Variants in LIG4 observed in about 807,000 individuals in gnomAD.
The protein encoded by LIG4 is DNA joinase.
LIG4 carries 13 observed loss-of-function variants against 19.0 expected under a neutral mutation model. The observed-to-expected ratio is 0.68, with a 90% CI of 0.44 to 1.09. The LOEUF (loss-of-function observed/expected upper bound fraction) is 1.09. LIG4 is among the 50% of genes least tolerant of loss of function. The pLI, the probability that LIG4 is intolerant of heterozygous loss-of-function variation, is 0.00. For missense variants in LIG4, 1,026 were observed against 1,089.7 expected, an observed-to-expected ratio of 0.94 and a Z score of 0.82; for synonymous variants, 361 against 358.2, an observed-to-expected ratio of 1.01 and a Z score of -0.09.
intron 2 of LIG4, among the ~76,000 whole-genome samples, chr13:108,213,536 G>C (rs912693362): frequency 2.6e-5 from 4 of 152,206 alleles, no homozygotes; most frequent in African/African-American, 7.2e-5. Context: ...TAAACTAGTC[G>C]TAAGTATTTT....
chr13:108,216,862 C>T (rs1475149839), upstream of LIG4, among the ~76,000 whole-genome samples: 1 of 152,148 alleles, frequency 6.6e-6, no homozygotes, highest in Non-Finnish European at 1.5e-5. Flanking sequence ...AGCCCAGTCT[C>T]CATTTCATCA....
At position 108,211,316 on chromosome 13, in the gene LIG4, ATAACTT is replaced by A; in HGVS notation, c.-28-26_-28-21del. ...GTTTAACTAGTAAAGCAAAAAGAGA[ATAACTT>A]TAAGTAAAAGATAAGATTCAACTAA... is the stretch of plus-strand genomic sequence containing the variant. On this transcript the variant is annotated intron_variant, in intron 2 of 2. Coordinates refer to ENST00000442234, the MANE Select transcript of LIG4 (RefSeq NM_206937.2). 7.5e-7 allele frequency: 1 copy of A among 1,337,028 alleles called. No homozygotes were observed. The highest frequency in any genetic ancestry group is 1.1e-6 in the Non-Finnish European group (1 of 937,650). The allele number at this position is 1,337,028 out of a possible 1,614,324, so 82.8% of individuals were successfully genotyped here. A position where few individuals can be genotyped will look rare whatever the true frequency, so the allele number is the denominator to read the frequency against.
Position 108,209,387 on chromosome 13 carries a change from G to T in LIG4, c.1882C>A (p.Arg628=). Residue 628 remains arginine, a synonymous_variant, in exon 3 of 3, where the codon CGG becomes AGG. Transcript: ENST00000442234. ...TTCTTCATCTTTGGGGCAGCTTTCCGCTTTTTTTCTTGTGGTTCATCATCA... is the reference window on the plus strand; with the variant it reads ...TTCTTCATCTTTGGGGCAGCTTTCCTCTTTTTTTCTTGTGGTTCATCATCA... The part of the protein sequence containing the change: ...GGDDEPQEKK[R]KAAPKMKKVI... The T allele has an allele frequency of 6.2e-7, 1 of 1,614,032 alleles. No individual in the cohort carries two copies. Among genetic ancestry groups the T allele is most frequent in the Non-Finnish European group, 8.5e-7 (1 of 1,179,998 alleles).
rs775560383 is a variant in LIG4 at position 108,210,391 on chromosome 13, C to T, written c.878G>A (p.Arg293Gln). The T allele has an allele frequency of 1.9e-5, 31 of 1,613,586 alleles. No homozygotes were observed. Among genetic ancestry groups the T allele is most frequent in the Admixed American group, 6.7e-5 (4 of 59,986 alleles). ...KDGDVYKYFS[R>Q]NGYNYTDQFG... ...CTGATCAGTGTAGTTATATCCATTT[C>T]GAGAGAAGTATTTATATACATCTCC... The change falls in exon 3 of 3, where the codon CGA (arginine) becomes CAA (glutamine). Residue 293 changes from arginine (R) to glutamine (Q), a missense_variant. By Grantham distance (43) the Arg-to-Gln change is conservative. Around this residue, in one of 3 missense-constraint regions of LIG4, gnomAD observed 493 missense variants for 544.5 expected, o/e 0.91. Transcript: ENST00000442234.
intron 2 of LIG4, among the ~76,000 whole-genome samples, chr13:108,213,227 A>G (rs1376070525): frequency 6.6e-6 from 1 of 152,006 alleles, no homozygotes; most frequent in Non-Finnish European, 1.5e-5. Flanking sequence ...TCACTGCCCT[A>G]TCTCCCAAAA....
chr13:108,216,050 A>C (rs1879273281), upstream of LIG4, among the ~76,000 whole-genome samples: 1 of 152,310 alleles, frequency 6.6e-6, no homozygotes, highest in East Asian at 1.9e-4. Context: ...AATACATAAC[A>C]ATACATAACT....
chr13:108,208,749 A>C lies in LIG4; in HGVS notation c.2520T>G (p.Ile840Met). Residue 840 changes from isoleucine to methionine, a missense_variant, in exon 3 of 3, where the codon ATT (isoleucine) becomes ATG (methionine). Transcript: ENST00000442234. ...STKNEGTRLA[I>M]KALELRFHGA... Reference sequence around the variant, plus strand: ...CATGAAACCGAAGCTCCAAGGCTTTAATAGCTAACCTTGTCCCCTCATTTT... The same window carrying C: ...CATGAAACCGAAGCTCCAAGGCTTTCATAGCTAACCTTGTCCCCTCATTTT... 1 of 1,614,210 alleles carries C rather than the reference A, an allele frequency of 6.2e-7. No homozygotes were observed. The highest frequency in any genetic ancestry group is 8.5e-7 in the Non-Finnish European group (1 of 1,180,024).
At chr13:108,211,332 G>C (rs1878649380) in intron 2 of LIG4, 36 bp from the exon 3 acceptor site, 1 of 1,163,362 alleles carries the variant, frequency 8.6e-7, no homozygotes, top group Non-Finnish European at 1.3e-6. Flanking sequence ...TTAAGTAAAA[G>C]ATAAGATTCA....
chr13:108,212,842 T>C (rs1311860583), intron 2 of LIG4, among the ~76,000 whole-genome samples: 1 of 152,044 alleles, frequency 6.6e-6, no homozygotes, highest in African/African-American at 2.4e-5. Flanking sequence ...GGAGGTTTGC[T>C]GAATGAATTA....
At chr13:108,214,277 G>A (rs373450235) in intron 2 of LIG4, among the ~76,000 whole-genome samples, 3 of 152,184 alleles carry the variant, frequency 2.0e-5, no homozygotes, top group African/African-American at 7.2e-5. Context: ...ATCTTCCACA[G>A]CACTTAGTGA....
rs753883369 is a variant in LIG4, at chr13:108,211,196, G to A, written c.73C>T (p.Arg25Ter). The change falls in exon 3 of 3, where the codon CGA (arginine) becomes TGA (stop). Residue 25 changes from arginine to a stop codon, truncating the protein, a stop_gained. Transcript: ENST00000442234. LOFTEE classifies it high-confidence loss of function. ...GCACGTCCTTTACTTTTCTGTATTCGTTCTAAAGTTGAACACAAATCTGCA... is the reference window on the plus strand; with the variant it reads ...GCACGTCCTTTACTTTTCTGTATTCATTCTAAAGTTGAACACAAATCTGCA... ...PFADLCSTLE[R>*]IQKSKGRAEK... is the part of the protein sequence containing the mutation. The A allele has an allele frequency of 2.2e-5, 35 of 1,613,042 alleles. No homozygotes were observed. The highest frequency in any genetic ancestry group is 1.6e-4 in the Middle Eastern group (1 of 6,074).
intron 2 of LIG4, among the ~76,000 whole-genome samples, chr13:108,213,515 C>T (rs1408868358): frequency 6.6e-6 from 1 of 152,168 alleles, no homozygotes; most frequent in Non-Finnish European, 1.5e-5. Flanking sequence ...ACAAGGATTC[C>T]AAAATTGCCA....
In LIG4 at chr13:108,208,953, G is replaced by A. The variant is rs957413601; in HGVS notation, c.2316C>T (p.Asn772=). 1.4e-5 allele frequency: 23 copies of A among 1,614,006 alleles called. No homozygotes were observed. The highest frequency in any genetic ancestry group is 1.9e-5 in the Non-Finnish European group (23 of 1,180,018). ...GDSYFIDTDL[N]QLKEVFSGIK... is the part of the protein sequence containing the mutation. ...TTCCTGAGAATACTTCCTTCAGTTGGTTCAAGTCTGTATCAATGAAATAAC... is the reference window on the plus strand; with the variant it reads ...TTCCTGAGAATACTTCCTTCAGTTGATTCAAGTCTGTATCAATGAAATAAC... Residue 772 remains asparagine, a synonymous_variant, in exon 3 of 3, where the codon AAC becomes AAT. Coordinates refer to ENST00000442234, the MANE Select transcript of LIG4 (RefSeq NM_206937.2).
rs1878193573 is a variant in LIG4 at position 108,208,702 on chromosome 13, A to G, written c.2567T>C (p.Leu856Ser). Residue 856 changes from leucine to serine, a missense_variant, in exon 3 of 3, where the codon TTA becomes TCA. Around this residue, in one of 3 missense-constraint regions of LIG4, gnomAD observed 521 missense variants for 515.5 expected, o/e 1.01. Coordinates refer to ENST00000442234, the MANE Select transcript of LIG4 (RefSeq NM_206937.2). Reference protein sequence around the residue: ...RFHGAKVVSCLAEGVSHVIIG... With the variant: ...RFHGAKVVSCSAEGVSHVIIG... ...TATTACATGAGACACTCCCTCAGCT[A>G]AACAAGAAACTACTTTTGCTCCATG... 1 of 1,614,186 alleles carries G rather than the reference A, an allele frequency of 6.2e-7. No homozygotes were observed. The highest frequency in any genetic ancestry group is 1.3e-5 in the African/African-American group (1 of 75,062).
Position 108,211,083 on chromosome 13 carries a change from G to A in LIG4, c.186C>T (p.Asp62=). The change falls in exon 3 of 3, where the codon GAC becomes GAT. Residue 62 remains aspartate, a synonymous_variant. Transcript: ENST00000442234. ...ALHKNHKDVT[D]SFYPAMRLIL... is the part of the protein sequence containing the mutation. ...TTAGTCTCATTGCTGGATAAAAAGAGTCTGTGACATCTTTGTGGTTCTTAT... is the reference window on the plus strand; with the variant it reads ...TTAGTCTCATTGCTGGATAAAAAGAATCTGTGACATCTTTGTGGTTCTTAT... 1 of 1,607,664 alleles carries A rather than the reference G, an allele frequency of 6.2e-7. No homozygotes were observed. The highest frequency in any genetic ancestry group is 1.1e-5 in the South Asian group (1 of 90,116).
chr13:108,208,794 A>T lies in LIG4; in HGVS notation c.2475T>A (p.Val825=). Residue 825 remains valine, a synonymous_variant, in exon 3 of 3, where the codon GTT becomes GTA. Transcript: ENST00000442234. ...RHTVYLDSYA[V]INDLSTKNEG... ...CATTTTTGGTACTCAGGTCATTAAT[A>T]ACAGCATACGAGTCCAAATAAACGG... The T allele has an allele frequency of 6.2e-7, 1 of 1,614,184 alleles. No homozygotes were observed. The highest frequency in any genetic ancestry group is 8.5e-7 in the Non-Finnish European group (1 of 1,180,024).
rs1878540205 is a variant in LIG4, at chr13:108,210,564, G to C, written c.705C>G (p.Leu235=). 1 of 1,612,114 alleles carries C rather than the reference G, an allele frequency of 6.2e-7. No homozygotes were observed. The highest frequency in any genetic ancestry group is 8.5e-7 in the Non-Finnish European group (1 of 1,179,332). Reference sequence around the variant, plus strand: ...AAAATAAAGTGATAGAAATATCACTGAGTCCTACAGAAGGATCATGCAGTT... The same window carrying C: ...AAAATAAAGTGATAGAAATATCACTCAGTCCTACAGAAGGATCATGCAGTT... The part of the protein sequence containing the change: ...CRQLHDPSVG[L]SDISITLFSA... The change falls in exon 3 of 3, where the codon CTC becomes CTG. Residue 235 remains leucine, a synonymous_variant. Transcript: ENST00000442234.
In LIG4 at chr13:108,207,966, C is replaced by T. The variant is rs1470065663; in HGVS notation, c.*567G>A. On this transcript the variant is annotated 3_prime_UTR_variant, in exon 3 of 3. Coordinates refer to ENST00000442234, the MANE Select transcript of LIG4 (RefSeq NM_206937.2). ...ACAACTTCCTCTAATTTAGCTAAAA[C>T]CATCGACAGGGTTTTATTGTTACAT... 1 of 151,156 alleles carries T rather than the reference C, an allele frequency of 6.6e-6. No individual in the cohort carries two copies. Among genetic ancestry groups the T allele is most frequent in the Non-Finnish European group, 1.5e-5 (1 of 68,020 alleles). 9.4% of individuals were successfully genotyped at this position (151,156 alleles called of 1,614,324 possible).
chr13:108,214,178 G>A (rs905090675), intron 2 of LIG4, among the ~76,000 whole-genome samples: 1 of 152,150 alleles, frequency 6.6e-6, no homozygotes, highest in East Asian at 1.9e-4. Flanking sequence ...AGGAAAAAAA[G>A]GAGTAAGTGA....
Sources: gnomAD v4.1 joint callset for allele counts (sites outside exome capture counted in the v4.1 genomes callset) on GRCh38, gnomAD v4.1.1 for gene constraint, gnomAD v4.1.1 regional missense constraint, MANE v1.5 for transcripts, NCBI Gene and HGNC (gene_info 2026-07-23, HGNC 2026-07-21) for gene names.